Variants in SUPT6H observed in about 807,000 individuals in gnomAD.
SUPT6H encodes the protein transcription elongation factor SPT6.
A neutral mutation model predicts 222.3 loss-of-function variants in SUPT6H; 11 were observed. The ratio of observed to expected loss-of-function variants is 0.05; its 90% CI spans 0.03 to 0.08. The LOEUF is 0.08. SUPT6H is among the 10% of genes least tolerant of loss of function. The probability of loss-of-function intolerance (pLI) is 1.00; values close to 1 mark genes in which losing one functional copy is unlikely to be tolerated. For missense variants in SUPT6H, 1,422 were observed against 2,216.0 expected, an observed-to-expected ratio of 0.64 and a Z score of 7.19; for synonymous variants, 762 against 801.2, an observed-to-expected ratio of 0.95 and a Z score of 0.83.
chr17:28,700,826 A>G (rs1006106539), intron 35 of SUPT6H, 115 bp from the exon 36 acceptor site: 4 of 1,278,152 alleles, frequency 3.1e-6, no homozygotes, highest in Non-Finnish European at 4.4e-6. Context: ...GCACATACTC[A>G]GTGGAAGATC....
At position 28,674,852 on chromosome 17, in the gene SUPT6H, C is replaced by A. The variant is rs1430964547; in HGVS notation, c.346-118C>A. On this transcript the variant is annotated intron_variant, in intron 4 of 36. Coordinates refer to ENST00000314616, the MANE Select transcript of SUPT6H (RefSeq NM_003170.5). ...CTACAAGAGCATCACTCGGCATGTT[C>A]TTTCCCATCTCTCTTGGTCAGAGTA... 5 of 1,281,040 alleles carry A rather than the reference C, an allele frequency of 3.9e-6. No individual in the cohort carries two copies. In the Admixed American group the frequency reaches 9.6e-5, roughly 25 times the overall value. The allele number at this position is 1,281,040 out of a possible 1,614,324, so 79.4% of individuals were successfully genotyped here. A position where few individuals can be genotyped will look rare whatever the true frequency, so the allele number is the denominator to read the frequency against.
chr17:28,695,283 C>A, intron 28 of SUPT6H, 69 bp from the exon 29 acceptor site: 1 of 1,508,616 alleles, frequency 6.6e-7, no homozygotes, highest in South Asian at 1.3e-5. Context: ...TTGGTTTTCT[C>A]ATGGGTGAAA....
At chr17:28,664,368 C>T (rs552716687) in intron 1 of SUPT6H, among the ~76,000 whole-genome samples, 12 of 152,260 alleles carry the variant, frequency 7.9e-5, no homozygotes, top group South Asian at 2.1e-4. Context: ...ACTAGCCGGG[C>T]GTGGCGACAC....
intron 7 of SUPT6H, 36 bp downstream of exon 7, chr17:28,676,466 C>T (rs535589559): frequency 6.2e-7 from 1 of 1,610,636 alleles, no homozygotes; most frequent in African/African-American, 1.3e-5. Context: ...TCTACCAATC[C>T]ATAATTACCT....
chr17:28,667,209 C>CAAA (rs55712354), intron 1 of SUPT6H, among the ~76,000 whole-genome samples: 3 of 132,358 alleles, frequency 2.3e-5, no homozygotes, highest in East Asian at 2.2e-4. Flanking sequence ...ACTAAAAATA[C>CAAA]AAAAAAAAAA....
intron 12 of SUPT6H, 71 bp downstream of exon 12, chr17:28,681,475 A>G: frequency 1.3e-6 from 2 of 1,507,160 alleles, no homozygotes; most frequent in Non-Finnish European, 1.8e-6. Context: ...TAATCCCAGC[A>G]TTTTCAGATG....
chr17:28,683,591 C>G, intron 16 of SUPT6H, 30 bp from the exon 17 acceptor site: 1 of 1,606,634 alleles, frequency 6.2e-7, no homozygotes, highest in Non-Finnish European at 8.5e-7. Context: ...TTCTCCATTC[C>G]TGACACCATA....
Position 28,686,803 on chromosome 17 carries a change from C to T in SUPT6H, c.2700+14C>T, listed in dbSNP as rs745831659. On this transcript the variant is annotated intron_variant, in intron 21 of 36. Coordinates refer to ENST00000314616, the MANE Select transcript of SUPT6H (RefSeq NM_003170.5). Reference sequence around the variant, plus strand: ...AAGAAGTCAGAGGTAATGCTGGAGCCTCACCCTTAGGGCCTGCCCAGGCAA... The same window carrying T: ...AAGAAGTCAGAGGTAATGCTGGAGCTTCACCCTTAGGGCCTGCCCAGGCAA... 5.7e-6 allele frequency: 9 copies of T among 1,585,326 alleles called. No homozygotes were observed. The African/African-American group carries it at 1.1e-4, about 19-fold the overall frequency.
At chr17:28,685,007 C>T (rs768148078) in intron 19 of SUPT6H, 46 bp downstream of exon 19, 1 of 1,542,520 alleles carries the variant, frequency 6.5e-7, no homozygotes, top group Non-Finnish European at 8.9e-7. Context: ...TGGAGTATGT[C>T]TTATGATTCA....
chr17:28,677,688 C>G (rs752457294), intron 7 of SUPT6H, 27 bp from the exon 8 acceptor site: 30 of 1,557,394 alleles, frequency 1.9e-5, no homozygotes, highest in African/African-American at 4.1e-5. Context: ...TAAAGTCCGT[C>G]TCACCCTGTT....
Position 28,677,701 on chromosome 17 carries a change from C to A in SUPT6H, c.898-14C>A, listed in dbSNP as rs1032738108. ...GATAAAGTCCGTCTCACCCTGTTGT[C>A]TTATCCACTCCAGCTCCGCTCCATC... On this transcript the variant is annotated splice_polypyrimidine_tract_variant and intron_variant, in intron 7 of 36. Coordinates refer to ENST00000314616, the MANE Select transcript of SUPT6H (RefSeq NM_003170.5). 2 of 1,605,294 alleles carry A rather than the reference C, an allele frequency of 1.2e-6. No homozygotes were observed. Among genetic ancestry groups the A allele is most frequent in the Non-Finnish European group, 1.7e-6 (2 of 1,172,866 alleles).
At chr17:28,680,622 C>T (rs746878566) in intron 11 of SUPT6H, among the ~76,000 whole-genome samples, 5 of 152,064 alleles carry the variant, frequency 3.3e-5, no homozygotes, top group Non-Finnish European at 7.4e-5. Flanking sequence ...ACGATATGTT[C>T]TAGGGCTATC....
chr17:28,699,243 A>G lies in SUPT6H; in HGVS notation c.4449-538A>G, dbSNP rs150889864. ...GGTCCTCACTGGACAAATGAAGCAG[A>G]GATTCAAGTTTGGTAACTTGGTGCA... On this transcript the variant is annotated intron_variant, in intron 32 of 36. Coordinates refer to ENST00000314616, the MANE Select transcript of SUPT6H (RefSeq NM_003170.5). Among the ~76,000 whole-genome samples, 6 of 152,318 alleles carry G rather than the reference A, an allele frequency of 3.9e-5. No individual in the cohort carries two copies. The East Asian group carries it at 7.7e-4, about 20-fold the overall frequency.
intron 1 of SUPT6H, among the ~76,000 whole-genome samples, chr17:28,668,412 G>A (rs1456413387): frequency 6.6e-6 from 1 of 152,160 alleles, no homozygotes; most frequent in Non-Finnish European, 1.5e-5. Context: ...TCTAGCTCCT[G>A]CAAGTTGCAG....
Position 28,690,156 on chromosome 17 carries a change from A to G in SUPT6H, c.3417A>G (p.Thr1139=). 2.5e-6 allele frequency: 4 copies of G among 1,613,898 alleles called. No homozygotes were observed. The highest frequency in any genetic ancestry group is 3.4e-6 in the Non-Finnish European group (4 of 1,180,034). ...GCTGTCGATATAAGGACCTCCGGAC[A>G]GCCTACCGCTCTCCCAACACAGAGG... ...ELSCRYKDLR[T]AYRSPNTEEI... The change falls in exon 26 of 37, where the codon ACA becomes ACG. Residue 1139 remains threonine, a synonymous_variant. Transcript: ENST00000314616.
Position 28,688,528 on chromosome 17 carries a change from C to A in SUPT6H, c.3134+310C>A. 1 of 186,074 alleles carries A rather than the reference C, an allele frequency of 5.4e-6. No homozygotes were observed. The highest frequency in any genetic ancestry group is 1.5e-4 in the South Asian group (1 of 6,634). 11.5% of individuals were successfully genotyped at this position (186,074 alleles called of 1,614,324 possible). On this transcript the variant is annotated intron_variant, in intron 24 of 36. Coordinates refer to ENST00000314616, the MANE Select transcript of SUPT6H (RefSeq NM_003170.5). The surrounding 1 kb of genome is among the most constrained non-coding windows in gnomAD (Gnocchi z 4.3). ...TTTTATTATTATGGTTTGTTGTGGC[C>A]AGATAAGGGTGGGAATAGCGGGGGC...
chr17:28,697,732 A>C lies in SUPT6H; in HGVS notation c.4322A>C (p.Lys1441Thr), dbSNP rs1346017706. 1 of 1,614,078 alleles carries C rather than the reference A, an allele frequency of 6.2e-7. No homozygotes were observed. Among genetic ancestry groups the C allele is most frequent in the Non-Finnish European group, 8.5e-7 (1 of 1,179,908 alleles). The stretch of plus-strand genomic sequence containing the variant: ...CAGGACTGCAGCGGTGGGGACCGCA[A>C]GGTAAGCCCAGGGCCCTCTGAGGAA... Reference protein sequence around the residue: ...YYQDCSGGDRKKLEELLIKTK... With the variant: ...YYQDCSGGDRTKLEELLIKTK... Residue 1441 changes from lysine to threonine, a missense_variant and splice_region_variant, in exon 31 of 37, where the codon AAG becomes ACG. Lys to Thr is a moderately conservative substitution (Grantham distance 78). Around this residue, in one of 13 missense-constraint regions of SUPT6H, gnomAD observed 395 missense variants for 580.6 expected, o/e 0.68. Coordinates refer to ENST00000314616, the MANE Select transcript of SUPT6H (RefSeq NM_003170.5).
chr17:28,684,898 C>T lies in SUPT6H; in HGVS notation c.2424C>T (p.Phe808=), dbSNP rs1408725458. Residue 808 remains phenylalanine, a synonymous_variant, in exon 19 of 37, where the codon TTC becomes TTT. Coordinates refer to ENST00000314616, the MANE Select transcript of SUPT6H (RefSeq NM_003170.5). ...ATGGTGAAGGAGAAGTGACAGACTT[C>T]CTTCGACTGCCCCATTTTACCAAAC... ...LVNGEGEVTD[F]LRLPHFTKRR... The T allele has an allele frequency of 6.2e-7, 1 of 1,614,070 alleles. No homozygotes were observed. Among genetic ancestry groups the T allele is most frequent in the Non-Finnish European group, 8.5e-7 (1 of 1,180,046 alleles).
chr17:28,668,916 A>ATT (rs1489446210), intron 1 of SUPT6H, among the ~76,000 whole-genome samples: 2 of 152,196 alleles, frequency 1.3e-5, no homozygotes, highest in Non-Finnish European at 2.9e-5. Context: ...CCTTAAGGAT[A>ATT]GAGATCTTGG....
Sources: allele counts gnomAD v4.1 joint callset (sites outside exome capture counted in the v4.1 genomes callset), GRCh38; gene constraint gnomAD v4.1.1; regional missense constraint gnomAD v4.1.1; non-coding constraint Gnocchi (gnomAD v3.1); transcripts MANE v1.5; gene names NCBI Gene and HGNC (gene_info 2026-07-23, HGNC 2026-07-21).